ATP6V1H: variants seen among roughly 807,000 people sequenced by gnomAD.
ATP6V1H encodes the protein V-type proton ATPase subunit H.
In ATP6V1H, 39 loss-of-function variants were observed where a neutral mutation model predicts 71.7. That is an observed-to-expected ratio of 0.54 (90% CI 0.42 to 0.71). ATP6V1H has a LOEUF of 0.71. Among genes scored for constraint, ATP6V1H ranks in the 30% least tolerant of loss-of-function variants. The probability of loss-of-function intolerance (pLI) is 0.00; values close to 1 mark genes in which losing one functional copy is unlikely to be tolerated. For synonymous variants in ATP6V1H, 192 were observed against 199.3 expected (o/e 0.96, Z 0.31); for missense variants, 509 against 594.9 (o/e 0.86, Z 1.50).
At position 53,771,834 on chromosome 8, in the gene ATP6V1H, T is replaced by C. The variant is rs3757956; in HGVS notation, c.1049+155A>G. On this transcript the variant is annotated intron_variant, in intron 10 of 13. Coordinates refer to ENST00000359530, the MANE Select transcript of ATP6V1H (RefSeq NM_015941.4). Reference sequence around the variant, plus strand: ...ACACAGTTCTGACCAATTGTTGCCATGTCAGAATGATGTCTTCTCAGGAGA... The same window carrying C: ...ACACAGTTCTGACCAATTGTTGCCACGTCAGAATGATGTCTTCTCAGGAGA... Among the ~76,000 whole-genome samples the C allele has an allele frequency of 8.4e-4, 128 of 152,312 alleles. 1 individual carries two copies. In the East Asian group the frequency reaches 0.022, roughly 26 times the overall value.
At chr8:53,823,976 G>A (rs1014692526) in intron 4 of ATP6V1H, among the ~76,000 whole-genome samples, 1 of 150,862 alleles carries the variant, frequency 6.6e-6, no homozygotes, top group South Asian at 2.1e-4. Flanking sequence ...ACAAAATGGG[G>A]GAGAAACACT....
At chr8:53,839,784 T>C (rs1333389687) in intron 2 of ATP6V1H, 2 of 985,434 alleles carry the variant, frequency 2.0e-6, no homozygotes, top group Non-Finnish European at 2.4e-6. Context: ...CTCCATTCTA[T>C]CATTTTCATC....
intron 13 of ATP6V1H, among the ~76,000 whole-genome samples, chr8:53,719,319 C>T (rs4737518): frequency 0.092 from 13,985 of 151,990 alleles, 1,073 homozygotes; most frequent in East Asian, 0.41. Context: ...TACAGGCACG[C>T]ACCACCACGC....
chr8:53,755,053 C>T (rs1262083149), intron 12 of ATP6V1H, among the ~76,000 whole-genome samples: 2 of 152,114 alleles, frequency 1.3e-5, no homozygotes, highest in Non-Finnish European at 2.9e-5. Context: ...AAGGGAGTGG[C>T]CATGGTATAG....
At chr8:53,755,502 G>A (rs1020733352) in intron 12 of ATP6V1H, among the ~76,000 whole-genome samples, 4 of 142,892 alleles carry the variant, frequency 2.8e-5, no homozygotes, top group South Asian at 2.2e-4. Context: ...ATTAGGTTAC[G>A]GGGGGTGGGG....
intron 7 of ATP6V1H, among the ~76,000 whole-genome samples, chr8:53,803,238 G>A (rs1346148280): frequency 6.6e-6 from 1 of 152,106 alleles, no homozygotes; most frequent in Non-Finnish European, 1.5e-5. Flanking sequence ...TCAGGAGGCT[G>A]AGGCAGAAGA....
At chr8:53,757,051 GGTGGACTGA>G (rs1263256496) in intron 11 of ATP6V1H, among the ~76,000 whole-genome samples, 5 of 152,154 alleles carry the variant, frequency 3.3e-5, no homozygotes, top group Non-Finnish European at 7.3e-5. Flanking sequence ...ATGATAAGAG[GGTGGACTGA>G]GCACTAAGCA....
chr8:53,782,065 C>T (rs1585780961), intron 9 of ATP6V1H, among the ~76,000 whole-genome samples: 1 of 152,188 alleles, frequency 6.6e-6, no homozygotes, highest in East Asian at 1.9e-4. Context: ...TAGTTTTTTC[C>T]AATTCTCTGA....
intron 11 of ATP6V1H, among the ~76,000 whole-genome samples, chr8:53,760,771 T>A (rs1250021174): frequency 6.6e-6 from 1 of 152,118 alleles, no homozygotes; most frequent in Non-Finnish European, 1.5e-5. Flanking sequence ...CAGGCTATGA[T>A]GGGAAGAGGG....
At chr8:53,839,842 A>C in intron 2 of ATP6V1H, 1 of 985,452 alleles carries the variant, frequency 1.0e-6, no homozygotes. Flanking sequence ...ACAGCTTAAA[A>C]ATCAGCTTGA....
At chr8:53,724,370 C>G (rs1774143982) in intron 13 of ATP6V1H, among the ~76,000 whole-genome samples, 1 of 151,994 alleles carries the variant, frequency 6.6e-6, no homozygotes, top group South Asian at 2.1e-4. Context: ...GCTAATGTTC[C>G]CTAATATCCT....
chr8:53,765,607 A>C (rs1437482244), intron 11 of ATP6V1H, among the ~76,000 whole-genome samples: 2 of 152,164 alleles, frequency 1.3e-5, no homozygotes, highest in African/African-American at 4.8e-5. Context: ...GGAAAACAAA[A>C]GCCAAATGAA....
At chr8:53,783,442 T>C (rs924032675) in intron 9 of ATP6V1H, among the ~76,000 whole-genome samples, 18 of 152,322 alleles carry the variant, frequency 1.2e-4, no homozygotes, top group African/African-American at 4.1e-4. Flanking sequence ...TTTTCTTCTT[T>C]ATTAGTCTTG....
In ATP6V1H at chr8:53,802,543, A is replaced by AC. The variant is rs544163218; in HGVS notation, c.580-648dup. Reference sequence around the variant, plus strand: ...AGGCTAGCCCGGGCAACCTGGTGAAACCCCATATCTACTAAAAATACAAAA... The same window carrying AC: ...AGGCTAGCCCGGGCAACCTGGTGAAACCCCCATATCTACTAAAAATACAAAA... On this transcript the variant is annotated intron_variant, in intron 7 of 13. Transcript: ENST00000359530. Among the ~76,000 whole-genome samples, 337 of 152,124 alleles carry AC rather than the reference A, an allele frequency of 2.2e-3. 2 individuals carry two copies. The highest frequency in any genetic ancestry group is 7.9e-3 in the African/African-American group (326 of 41,478).
intron 13 of ATP6V1H, among the ~76,000 whole-genome samples, chr8:53,725,292 C>T (rs540260999): frequency 4.4e-4 from 67 of 152,226 alleles, no homozygotes; most frequent in African/African-American, 1.4e-3. Context: ...GGCCATGTGA[C>T]GCCTGTGCCA....
chr8:53,792,821 A>G lies in ATP6V1H; in HGVS notation c.870+2826T>C, dbSNP rs184716074. Reference sequence around the variant, plus strand: ...ATAAATTTTAACAATTATTATTCTCAGCATCAAAGACAGATTAGCATGATG... The same window carrying G: ...ATAAATTTTAACAATTATTATTCTCGGCATCAAAGACAGATTAGCATGATG... On this transcript the variant is annotated intron_variant, in intron 9 of 13. Transcript: ENST00000359530. Among the ~76,000 whole-genome samples the G allele has an allele frequency of 2.2e-3, 339 of 152,376 alleles. 2 individuals carry two copies. Among genetic ancestry groups the G allele is most frequent in the African/African-American group, 7.8e-3 (326 of 41,596 alleles).
At chr8:53,765,327 G>C (rs1231905254) in intron 11 of ATP6V1H, among the ~76,000 whole-genome samples, 1 of 151,314 alleles carries the variant, frequency 6.6e-6, no homozygotes, top group Admixed American at 6.6e-5. Context: ...TTGCACCCGG[G>C]AGGCGGAGGC....
At chr8:53,730,886 G>A (rs564347439) in intron 13 of ATP6V1H, among the ~76,000 whole-genome samples, 1 of 152,188 alleles carries the variant, frequency 6.6e-6, no homozygotes, top group African/African-American at 2.4e-5. Context: ...AAGGGCTCTG[G>A]CTCTTTCATG....
intron 7 of ATP6V1H, among the ~76,000 whole-genome samples, chr8:53,808,049 G>C (rs142455212): frequency 3.1e-4 from 47 of 152,348 alleles, no homozygotes; most frequent in African/African-American, 1.1e-3. Flanking sequence ...GTCACTACTA[G>C]TGACACAGCA....
Sources: gnomAD v4.1 joint callset for allele counts (sites outside exome capture counted in the v4.1 genomes callset) on GRCh38, gnomAD v4.1.1 for gene constraint, MANE v1.5 for transcripts, NCBI Gene and HGNC (gene_info 2026-07-23, HGNC 2026-07-21) for gene names.